DLAT: variants seen among roughly 807,000 people sequenced by gnomAD.
DLAT encodes dihydrolipoamide S-acetyltransferase.
Under a neutral mutation model 68.0 loss-of-function variants are expected in DLAT, and 43 were observed. That is an observed-to-expected ratio of 0.63 (90% CI 0.50 to 0.81). The LOEUF (loss-of-function observed/expected upper bound fraction) is 0.81, where lower values mean the gene tolerates loss of function less well. DLAT is among the 40% of genes least tolerant of loss of function. The pLI is 0.00. For synonymous variants in DLAT, 265 were observed against 288.6 expected (o/e 0.92, Z 0.83); for missense variants, 745 against 815.4 (o/e 0.91, Z 1.05).
At chr11:112,029,195 T>C (rs1862261003) in intron 4 of DLAT, among the ~76,000 whole-genome samples, 2 of 152,346 alleles carry the variant, frequency 1.3e-5, no homozygotes, top group South Asian at 2.1e-4. Context: ...GTGGCACTTT[T>C]CATTCAAGAA....
At chr11:112,040,357 A>G (rs1197604065) in intron 7 of DLAT, among the ~76,000 whole-genome samples, 2 of 152,212 alleles carry the variant, frequency 1.3e-5, no homozygotes, top group African/African-American at 4.8e-5. Context: ...TTTTCTGGAT[A>G]AGAAAACAGA....
At position 112,061,725 on chromosome 11, in the gene DLAT, C is replaced by T. The variant is rs191149587; in HGVS notation, c.1814+551C>T. Among the ~76,000 whole-genome samples the T allele has an allele frequency of 6.8e-3, 1,034 of 152,234 alleles. 9 individuals are homozygous for T. The highest frequency in any genetic ancestry group is 0.01 in the Middle Eastern group (3 of 294). On this transcript the variant is annotated intron_variant, in intron 13 of 13. Transcript: ENST00000280346. ...TCCCAAGTAGCTATAGCTGGGATTA[C>T]AGGCATGTACTACCACACTTGGCTA...
At chr11:112,025,904 T>C (rs1288489297) in intron 1 of DLAT, among the ~76,000 whole-genome samples, 153 bp downstream of exon 1, 1 of 152,212 alleles carries the variant, frequency 6.6e-6, no homozygotes, top group African/African-American at 2.4e-5. Flanking sequence ...CTGTAGCTCC[T>C]TAGTGTCCCT....
At chr11:112,058,052 C>G (rs1432072906) in intron 11 of DLAT, among the ~76,000 whole-genome samples, 2 of 152,076 alleles carry the variant, frequency 1.3e-5, no homozygotes, top group Non-Finnish European at 2.9e-5. Context: ...TGGTCTGGAA[C>G]TGAACCTGGA....
chr11:112,033,648 T>C lies in DLAT; in HGVS notation c.787+118T>C. On this transcript the variant is annotated intron_variant, in intron 5 of 13. Coordinates refer to ENST00000280346, the MANE Select transcript of DLAT (RefSeq NM_001931.5). ...ATGAAAACTTTATAATTCTTAGGATTCATTTTCTGGGACAGAATATTTTAT... is the reference window on the plus strand; with the variant it reads ...ATGAAAACTTTATAATTCTTAGGATCCATTTTCTGGGACAGAATATTTTAT... The C allele has an allele frequency of 2.6e-6, 3 of 1,152,182 alleles. No individual in the cohort carries two copies. The South Asian group carries it at 4.1e-5, about 16-fold the overall frequency. 71.4% of individuals were successfully genotyped at this position (1,152,182 alleles called of 1,614,324 possible). A position where few individuals can be genotyped will look rare whatever the true frequency, so the allele number is the denominator to read the frequency against.
At chr11:112,033,287 GTGAGTATTTGGATTATC>G in intron 4 of DLAT, 100 bp from the exon 5 acceptor site, 1 of 1,295,704 alleles carries the variant, frequency 7.7e-7, no homozygotes, top group Admixed American at 2.0e-5. Context: ...TTTTGCTGTG[GTGAGTATTTGGATTATC>G]ATAGTCACCA....
At chr11:112,054,820 CTT>C (rs1863907860) in intron 11 of DLAT, among the ~76,000 whole-genome samples, 1 of 152,168 alleles carries the variant, frequency 6.6e-6, no homozygotes, top group Non-Finnish European at 1.5e-5. Flanking sequence ...GAGAAGAATC[CTT>C]CCTTGCCTTT....
chr11:112,044,903 C>T (rs782156117), intron 8 of DLAT, among the ~76,000 whole-genome samples: 3 of 151,990 alleles, frequency 2.0e-5, no homozygotes, highest in South Asian at 4.1e-4. Flanking sequence ...GGCATGTTGG[C>T]GTGCACCTGT....
At chr11:112,060,108 G>C (rs1555183041) in intron 12 of DLAT, 43 bp downstream of exon 12, 1 of 1,541,004 alleles carries the variant, frequency 6.5e-7, no homozygotes, top group South Asian at 1.1e-5. Context: ...TATTTTTAAG[G>C]TTTGCATAAT....
At chr11:112,033,601 C>G in intron 5 of DLAT, 71 bp downstream of exon 5, 2 of 1,557,512 alleles carry the variant, frequency 1.3e-6, no homozygotes, top group Non-Finnish European at 1.8e-6. Flanking sequence ...GCCATTCTTT[C>G]CTATAATGAG....
chr11:112,027,460 C>T (rs1443920416), intron 2 of DLAT, among the ~76,000 whole-genome samples: 6 of 151,850 alleles, frequency 4.0e-5, no homozygotes, highest in African/African-American at 1.5e-4. Flanking sequence ...AGACGATGGG[C>T]GGCCAGGCAG....
At position 112,033,442 on chromosome 11, in the gene DLAT, C is replaced by T; in HGVS notation, c.699C>T (p.Gly233=). The change falls in exon 5 of 14, where the codon GGC becomes GGT. Residue 233 remains glycine (G), a synonymous_variant. Transcript: ENST00000280346. Reference sequence around the variant, plus strand: ...CCCTCTCTCCCACCATGACCATGGGCACAGTTCAGAGATGGGAAAAAAAAG... The same window carrying T: ...CCCTCTCTCCCACCATGACCATGGGTACAGTTCAGAGATGGGAAAAAAAAG... The part of the protein sequence containing the change: ...LPALSPTMTM[G]TVQRWEKKVG... 6.2e-7 allele frequency: 1 copy of T among 1,613,796 alleles called. No individual in the cohort carries two copies.
chr11:112,040,099 C>G (rs1037943647), intron 7 of DLAT, among the ~76,000 whole-genome samples: 2 of 152,166 alleles, frequency 1.3e-5, no homozygotes, highest in Admixed American at 1.3e-4. Flanking sequence ...AGAACTGTAT[C>G]TAGCATATAA....
intron 11 of DLAT, among the ~76,000 whole-genome samples, chr11:112,053,420 A>G (rs1396268659): frequency 6.6e-6 from 1 of 152,132 alleles, no homozygotes; most frequent in African/African-American, 2.4e-5. Flanking sequence ...GTCAGTTCCC[A>G]GGAGGCAAAC....
intron 4 of DLAT, chr11:112,032,598 C>T (rs1476763697): frequency 1.3e-5 from 2 of 151,974 alleles, no homozygotes; most frequent in East Asian, 3.9e-4. Flanking sequence ...GAAGCGAGCA[C>T]AGAACAGTTC....
intron 4 of DLAT, among the ~76,000 whole-genome samples, chr11:112,029,524 C>T (rs1488343259): frequency 6.6e-6 from 1 of 152,028 alleles, no homozygotes. Context: ...CTCTTTATAG[C>T]AATCAGATTT....
intron 12 of DLAT, among the ~76,000 whole-genome samples, chr11:112,060,270 C>T (rs1333283030): frequency 2.7e-5 from 4 of 149,730 alleles, no homozygotes; most frequent in African/African-American, 9.9e-5. Context: ...ACGCCATTCT[C>T]CTGCCTCAGC....
chr11:112,037,496 T>C, intron 6 of DLAT, 36 bp downstream of exon 6: 4 of 1,599,642 alleles, frequency 2.5e-6, no homozygotes, highest in Non-Finnish European at 3.4e-6. Context: ...AACACTTACC[T>C]TGTTCATCTC....
intron 5 of DLAT, among the ~76,000 whole-genome samples, chr11:112,034,348 T>C (rs782529581): frequency 7.9e-5 from 12 of 152,166 alleles, no homozygotes; most frequent in Non-Finnish European, 1.5e-4. Context: ...GTGTGTAATA[T>C]ATATATGTTC....
Sources: gnomAD v4.1 joint callset for allele counts (sites outside exome capture counted in the v4.1 genomes callset) on GRCh38, gnomAD v4.1.1 for gene constraint, MANE v1.5 for transcripts, NCBI Gene and HGNC (gene_info 2026-07-23, HGNC 2026-07-21) for gene names.